The following PRXL2C variants were observed in gnomAD, a reference collection of about 807,000 sequenced individuals.
PRXL2C encodes the protein peroxiredoxin-like 2C.
A neutral mutation model predicts 24.9 loss-of-function variants in PRXL2C; 38 were observed. The observed-to-expected ratio is 1.53, with a 90% CI of 1.18 to 2.00. The LOEUF is 2.00. PRXL2C is among the 30% of genes most tolerant of loss of function. The pLI, the probability that PRXL2C is intolerant of heterozygous loss-of-function variation, is 0.00. For synonymous variants in PRXL2C, 98 were observed against 117.2 expected, an observed-to-expected ratio of 0.84 and a Z score of 1.06; for missense variants, 294 against 290.9, an observed-to-expected ratio of 1.01 and a Z score of -0.08.
At chr9:96,654,861 G>C in intron 1 of PRXL2C, 88 bp from the exon 2 acceptor site, 1 of 1,365,422 alleles carries the variant, frequency 7.3e-7, no homozygotes, top group Non-Finnish European at 9.9e-7. Flanking sequence ...TGCGTGACGC[G>C]AGCAAAGGCG....
intron 5 of PRXL2C, among the ~76,000 whole-genome samples, chr9:96,644,619 G>C (rs946098858): frequency 6.6e-6 from 1 of 151,974 alleles, no homozygotes; most frequent in Non-Finnish European, 1.5e-5. Context: ...CCAAGTAGGT[G>C]GGATTACAAG....
At chr9:96,647,427 C>G (rs1025333517) in intron 4 of PRXL2C, among the ~76,000 whole-genome samples, 1 of 152,198 alleles carries the variant, frequency 6.6e-6, no homozygotes, top group Admixed American at 6.5e-5. Flanking sequence ...CTCTTCAACT[C>G]TTTGATTTCT....
At chr9:96,653,268 G>T (rs1848299880) in intron 2 of PRXL2C, among the ~76,000 whole-genome samples, 1 of 151,660 alleles carries the variant, frequency 6.6e-6, no homozygotes, top group South Asian at 2.1e-4. Flanking sequence ...TATCACATTT[G>T]GTCATAAAAA....
chr9:96,654,614 T>C (rs569242498), intron 2 of PRXL2C, 91 bp downstream of exon 2: 3 of 1,203,764 alleles, frequency 2.5e-6, no homozygotes, highest in Admixed American at 4.1e-5. Flanking sequence ...CAATCCAGGC[T>C]GCAAGTTCCG....
rs565400270 is a variant in PRXL2C at position 96,653,302 on chromosome 9, G to A, written c.261+1403C>T. Reference sequence around the variant, plus strand: ...AAAGAAAGACATTTTTCTGTTATTTGCGACAACACTAGATGCACCTGGAGG... The same window carrying A: ...AAAGAAAGACATTTTTCTGTTATTTACGACAACACTAGATGCACCTGGAGG... On this transcript the variant is annotated intron_variant, in intron 2 of 5. Transcript: ENST00000375234. Among the ~76,000 whole-genome samples, 9 of 152,032 alleles carry A rather than the reference G, an allele frequency of 5.9e-5. No individual in the cohort carries two copies. The South Asian group carries it at 1.9e-3, about 32-fold the overall frequency.
rs7847716 is a variant in PRXL2C, at chr9:96,643,349, C to T, written c.554-1463G>A. 2.2e-4 allele frequency among the ~76,000 whole-genome samples: 33 copies of T among 152,144 alleles called. 1 individual carries two copies. Among genetic ancestry groups the T allele is most frequent in the Non-Finnish European group, 2.9e-4 (20 of 68,010 alleles). On this transcript the variant is annotated intron_variant, in intron 5 of 5. Coordinates refer to ENST00000375234, the MANE Select transcript of PRXL2C (RefSeq NM_153698.2). ...CCAACCTCCACTTCCCAGGTTCAAGCGATTATCCTGCCTCAGCCTCCCTAG... is the reference window on the plus strand; with the variant it reads ...CCAACCTCCACTTCCCAGGTTCAAGTGATTATCCTGCCTCAGCCTCCCTAG...
chr9:96,654,993 C>T, intron 1 of PRXL2C, 97 bp downstream of exon 1: 2 of 1,348,222 alleles, frequency 1.5e-6, no homozygotes, highest in Non-Finnish European at 1.9e-6. Context: ...GCTGCCTTCC[C>T]GTTTCCGTCC....
Position 96,645,882 on chromosome 9 carries a change from T to A in PRXL2C, c.553+11A>T. On this transcript the variant is annotated intron_variant, in intron 5 of 5. Coordinates refer to ENST00000375234, the MANE Select transcript of PRXL2C (RefSeq NM_153698.2). ...AGACGTCTACTGCTGAACCTGGGCT[T>A]TGATGCTTACCTGGACCTAAAATGA... 2 of 1,598,516 alleles carry A rather than the reference T, an allele frequency of 1.3e-6. No individual in the cohort carries two copies. Among genetic ancestry groups the A allele is most frequent in the Non-Finnish European group, 1.7e-6 (2 of 1,175,424 alleles).
intron 2 of PRXL2C, among the ~76,000 whole-genome samples, chr9:96,653,382 A>C (rs573382327): frequency 1.3e-5 from 2 of 152,286 alleles, no homozygotes; most frequent in East Asian, 3.9e-4. Flanking sequence ...GCATGATCTC[A>C]TTTACCTATG....
rs1435039577 is a variant in PRXL2C, at chr9:96,641,921, G to A, written c.554-35C>T. On this transcript the variant is annotated intron_variant, in intron 5 of 5. Transcript: ENST00000375234. ...AATAAGAATAAAAGGCTGAGGCATA[G>A]TATTATTCATCAGATTTACTGCTTA... The A allele has an allele frequency of 4.9e-6, 7 of 1,414,216 alleles. No individual in the cohort carries two copies. The East Asian group carries it at 1.3e-4, about 26-fold the overall frequency. 87.6% of individuals were successfully genotyped at this position (1,414,216 alleles called of 1,614,324 possible).
intron 4 of PRXL2C, among the ~76,000 whole-genome samples, 179 bp from the exon 5 acceptor site, chr9:96,646,203 A>T (rs1034932852): frequency 1.3e-5 from 2 of 152,220 alleles, no homozygotes; most frequent in Non-Finnish European, 2.9e-5. Flanking sequence ...GTTTTGCAAC[A>T]TCCTTGCCTT....
In PRXL2C at chr9:96,655,225, C is replaced by G. The variant is rs537484929; in HGVS notation, c.57G>C (p.Pro19=). Reference sequence around the variant, plus strand: ...GCCCGCTGTCGGGGCCGCTCGGGGCCGGGACCAGGGCGGCGGCGCCGCTAA... The same window carrying G: ...GCCCGCTGTCGGGGCCGCTCGGGGCGGGGACCAGGGCGGCGGCGCCGCTAA... ...RQVSGAAALV[P]APSGPDSGQP... is the part of the protein sequence containing the mutation. Residue 19 remains proline, a synonymous_variant, in exon 1 of 6, where the codon CCG becomes CCC. Transcript: ENST00000375234. 4.3e-6 allele frequency: 5 copies of G among 1,151,946 alleles called. No homozygotes were observed. Among genetic ancestry groups the G allele is most frequent in the Non-Finnish European group, 5.3e-6 (5 of 938,106 alleles). 71.4% of individuals were successfully genotyped at this position (1,151,946 alleles called of 1,614,324 possible).
intron 5 of PRXL2C, among the ~76,000 whole-genome samples, chr9:96,644,881 CTTTTTTTTTTTTTTTTTTTTT>C (rs530343244): frequency 0.058 from 2,139 of 36,910 alleles, 124 homozygotes; most frequent in African/African-American, 0.12. Context: ...TACATGGATT[CTTTTTTTTTTTTTTTTTTTTT>C]TTTTTTTTTT....
chr9:96,646,608 A>G (rs1286454156), intron 4 of PRXL2C, among the ~76,000 whole-genome samples: 4 of 152,122 alleles, frequency 2.6e-5, no homozygotes, highest in Non-Finnish European at 4.4e-5. Flanking sequence ...ACTATGTTAT[A>G]AACAATGAAT....
At chr9:96,643,746 T>C (rs907649914) in intron 5 of PRXL2C, among the ~76,000 whole-genome samples, 1 of 152,178 alleles carries the variant, frequency 6.6e-6, no homozygotes, top group Non-Finnish European at 1.5e-5. Flanking sequence ...CTGTTATAAA[T>C]TCATGAGAGG....
chr9:96,645,753 C>T lies in PRXL2C; in HGVS notation c.553+140G>A, dbSNP rs1848189779. The T allele has an allele frequency of 1.5e-5, 14 of 924,886 alleles. No individual in the cohort carries two copies. In the East Asian group the frequency reaches 2.0e-4, roughly 13 times the overall value. 57.3% of individuals were successfully genotyped at this position (924,886 alleles called of 1,614,324 possible). ...CAGAGCTTGCAGTGAGCCGAGATTGCGCCACTGCACTCCAGCCTTGGCGAC... is the reference window on the plus strand; with the variant it reads ...CAGAGCTTGCAGTGAGCCGAGATTGTGCCACTGCACTCCAGCCTTGGCGAC... On this transcript the variant is annotated intron_variant, in intron 5 of 5. Coordinates refer to ENST00000375234, the MANE Select transcript of PRXL2C (RefSeq NM_153698.2).
intron 5 of PRXL2C, 102 bp downstream of exon 5, chr9:96,645,791 C>T: frequency 7.6e-7 from 1 of 1,317,732 alleles, no homozygotes; most frequent in East Asian, 2.5e-5. Context: ...AGCGAGACTC[C>T]CTCTCGAAAA....
At chr9:96,646,085 AAT>A in intron 4 of PRXL2C, 61 bp from the exon 5 acceptor site, 1 of 1,477,286 alleles carries the variant, frequency 6.8e-7, no homozygotes. Context: ...TTAAGAAGAT[AAT>A]GTATTTCTAG....
chr9:96,644,160 C>G (rs74791333), intron 5 of PRXL2C, among the ~76,000 whole-genome samples: 6,904 of 148,860 alleles, frequency 0.046, 563 homozygotes, highest in African/African-American at 0.16. Context: ...AGGTATTTAT[C>G]AAAGTAAATA....
Sources: allele counts gnomAD v4.1 joint callset (sites outside exome capture counted in the v4.1 genomes callset), GRCh38; gene constraint gnomAD v4.1.1; transcripts MANE v1.5; gene names NCBI Gene and HGNC (gene_info 2026-07-23, HGNC 2026-07-21).